Variants in NRG3 observed in about 807,000 individuals in gnomAD.
The protein encoded by NRG3 is neuregulin 3.
In NRG3, 31 loss-of-function variants were observed where a neutral mutation model predicts 66.9. The ratio of observed to expected loss-of-function variants is 0.46; its 90% CI spans 0.35 to 0.63. The LOEUF (loss-of-function observed/expected upper bound fraction) is 0.63. Ranked by LOEUF, NRG3 falls within the 20% of genes least tolerant of loss-of-function variation. The probability of loss-of-function intolerance (pLI) is 0.00; values close to 1 mark genes in which losing one functional copy is unlikely to be tolerated. For missense variants in NRG3, 910 were observed against 878.9 expected (o/e 1.04, Z -0.45); for synonymous variants, 393 against 359.4 (o/e 1.09, Z -1.06).
At position 82,447,456 on chromosome 10, in the gene NRG3, A is replaced by C. The variant is rs1244987304; in HGVS notation, c.953+88588A>C. On this transcript the variant is annotated intron_variant, in intron 2 of 8. Coordinates refer to ENST00000372141, the MANE Select transcript of NRG3 (RefSeq NM_001010848.4). ...AAATAAGAAAAAAAATTATCATTGAAAGAATGAGTTAATGAATTAATCAGT... is the reference window on the plus strand; with the variant it reads ...AAATAAGAAAAAAAATTATCATTGACAGAATGAGTTAATGAATTAATCAGT... Among the ~76,000 whole-genome samples, 5 of 152,188 alleles carry C rather than the reference A, an allele frequency of 3.3e-5. No individual in the cohort carries two copies. The East Asian group carries it at 9.6e-4, about 29-fold the overall frequency.
intron 2 of NRG3, among the ~76,000 whole-genome samples, chr10:82,697,106 A>C (rs2055445228): frequency 6.6e-6 from 1 of 152,210 alleles, no homozygotes; most frequent in African/African-American, 2.4e-5. Context: ...GTGGGAAAAC[A>C]AAAAGTTTCA....
At chr10:82,464,804 G>A (rs1213789314) in intron 2 of NRG3, among the ~76,000 whole-genome samples, 3 of 152,212 alleles carry the variant, frequency 2.0e-5, no homozygotes, top group African/African-American at 4.8e-5. Context: ...GCTAACTTGT[G>A]TACAGTGCTT....
intron 1 of NRG3, among the ~76,000 whole-genome samples, chr10:82,349,447 G>A (rs1047616665): frequency 6.6e-6 from 1 of 150,936 alleles, no homozygotes; most frequent in African/African-American, 2.4e-5. Context: ...TGCGTACTGG[G>A]AGAACCACTG....
chr10:82,716,634 C>A (rs1279619846), intron 2 of NRG3, among the ~76,000 whole-genome samples: 1 of 152,030 alleles, frequency 6.6e-6, no homozygotes, highest in Non-Finnish European at 1.5e-5. Flanking sequence ...CAAAATGAGG[C>A]CCTGACTCAT....
chr10:82,670,699 A>G (rs899293222), intron 2 of NRG3, among the ~76,000 whole-genome samples: 1 of 152,168 alleles, frequency 6.6e-6, no homozygotes, highest in Non-Finnish European at 1.5e-5. Context: ...CCTAAAGCTT[A>G]TACATTTTCT....
intron 1 of NRG3, among the ~76,000 whole-genome samples, chr10:82,199,887 T>C (rs1047925283): frequency 1.2e-5 from 1 of 84,112 alleles, no homozygotes; most frequent in Non-Finnish European, 2.6e-5. Context: ...TGTGTGTGTG[T>C]GCGTGTGTGT....
intron 1 of NRG3, among the ~76,000 whole-genome samples, chr10:82,316,514 A>G (rs563643289): frequency 1.2e-3 from 182 of 152,174 alleles, no homozygotes; most frequent in African/African-American, 4.3e-3. Context: ...TTGCCTACGG[A>G]CCCTTTTTTC....
chr10:82,777,364 A>C (rs2059949935), intron 3 of NRG3, among the ~76,000 whole-genome samples: 1 of 152,114 alleles, frequency 6.6e-6, no homozygotes, highest in South Asian at 2.1e-4. Flanking sequence ...CTGGTTTGAC[A>C]TGTCCCATAG....
At position 82,419,296 on chromosome 10, in the gene NRG3, G is replaced by A. The variant is rs73306172; in HGVS notation, c.953+60428G>A. 5.5e-3 allele frequency among the ~76,000 whole-genome samples: 841 copies of A among 152,018 alleles called. 8 individuals are homozygous for A. Among genetic ancestry groups the A allele is most frequent in the African/African-American group, 0.02 (817 of 41,484 alleles). On this transcript the variant is annotated intron_variant, in intron 2 of 8. Coordinates refer to ENST00000372141, the MANE Select transcript of NRG3 (RefSeq NM_001010848.4). ...CCAAGAATTGAAAGAGAACATATTT[G>A]GATAATTGAAAGGCAGAGTTTAAAC...
chr10:82,153,915 C>CT (rs1351563360), intron 1 of NRG3, among the ~76,000 whole-genome samples: 2 of 151,282 alleles, frequency 1.3e-5, no homozygotes, highest in East Asian at 1.9e-4. Flanking sequence ...TTGGTTATTT[C>CT]TTTTTTTTAA....
intron 1 of NRG3, among the ~76,000 whole-genome samples, chr10:82,283,906 A>G (rs577860090): frequency 6.6e-6 from 1 of 152,338 alleles, no homozygotes; most frequent in African/African-American, 2.4e-5. Flanking sequence ...ATGAGTGCAT[A>G]AATGAAGCTT....
At chr10:82,368,357 A>G (rs1264526779) in intron 2 of NRG3, among the ~76,000 whole-genome samples, 1 of 138,922 alleles carries the variant, frequency 7.2e-6, no homozygotes, top group Non-Finnish European at 1.5e-5. Flanking sequence ...GCACAGATAC[A>G]TTATTTAAAA....
intron 1 of NRG3, among the ~76,000 whole-genome samples, chr10:81,973,425 G>A (rs543805290): frequency 1.3e-5 from 2 of 152,284 alleles, no homozygotes; most frequent in African/African-American, 4.8e-5. Flanking sequence ...TATATACCCA[G>A]TAATGGGATT....
chr10:82,036,490 G>A (rs1160708207), intron 1 of NRG3, among the ~76,000 whole-genome samples: 3 of 152,070 alleles, frequency 2.0e-5, no homozygotes, highest in Non-Finnish European at 4.4e-5. Context: ...GGTTGCACTG[G>A]CATTTAAGCT....
At chr10:82,670,169 C>T (rs2053153063) in intron 2 of NRG3, among the ~76,000 whole-genome samples, 1 of 152,128 alleles carries the variant, frequency 6.6e-6, no homozygotes. Flanking sequence ...CTCTCCCTCC[C>T]TCTGTCATTT....
intron 1 of NRG3, among the ~76,000 whole-genome samples, chr10:82,281,963 C>T (rs1244123390): frequency 6.6e-6 from 1 of 152,118 alleles, no homozygotes; most frequent in Non-Finnish European, 1.5e-5. Context: ...CTTTTGGTAA[C>T]AAGCAAGGTG....
At chr10:82,664,768 C>G (rs1414505976) in intron 2 of NRG3, among the ~76,000 whole-genome samples, 1 of 151,676 alleles carries the variant, frequency 6.6e-6, no homozygotes, top group Admixed American at 6.6e-5. Flanking sequence ...CATCCGTGTT[C>G]CCACAGCATG....
At chr10:82,367,056 G>A (rs2084579680) in intron 2 of NRG3, among the ~76,000 whole-genome samples, 1 of 152,030 alleles carries the variant, frequency 6.6e-6, no homozygotes, top group Admixed American at 6.6e-5. Flanking sequence ...ACATTGCTTT[G>A]GATATGTAGC....
intron 2 of NRG3, among the ~76,000 whole-genome samples, chr10:82,465,518 G>C (rs906231979): frequency 6.6e-6 from 1 of 152,170 alleles, no homozygotes; most frequent in African/African-American, 2.4e-5. Context: ...GCTGAAGTCT[G>C]TCCGGCTGTG....
Sources: allele counts gnomAD v4.1 joint callset (sites outside exome capture counted in the v4.1 genomes callset), GRCh38; gene constraint gnomAD v4.1.1; transcripts MANE v1.5; gene names NCBI Gene and HGNC (gene_info 2026-07-23, HGNC 2026-07-21).